Variants in SLC35F1 observed in about 807,000 individuals in gnomAD.
SLC35F1 encodes chromosome 6 open reading frame 169.
In SLC35F1, 14 loss-of-function variants were observed where a neutral mutation model predicts 48.7. That is an observed-to-expected ratio of 0.29 (90% confidence interval 0.19 to 0.45). The LOEUF (loss-of-function observed/expected upper bound fraction) is 0.45. Ranked by LOEUF, SLC35F1 falls within the 20% of genes least tolerant of loss-of-function variation. The pLI is 1.00. For synonymous variants in SLC35F1, 190 were observed against 202.2 expected, an observed-to-expected ratio of 0.94 and a Z score of 0.51; for missense variants, 404 against 500.0, an observed-to-expected ratio of 0.81 and a Z score of 1.83.
chr6:118,267,085 G>A lies in SLC35F1; in HGVS notation c.568G>A (p.Val190Ile), dbSNP rs371965924. Residue 190 changes from valine to isoleucine, a missense_variant, in exon 4 of 8, where the codon GTT becomes ATT. Around this residue, in one of 2 missense-constraint regions of SLC35F1, gnomAD observed 306 missense variants for 419.1 expected, o/e 0.73. Coordinates refer to ENST00000360388, the MANE Select transcript of SLC35F1 (RefSeq NM_001029858.4). ...CAAGGCTGTGCATTTCATCGGCATCGTTGTCTGCATCCTGGGAATGGGCTG... is the reference window on the plus strand; with the variant it reads ...CAAGGCTGTGCATTTCATCGGCATCATTGTCTGCATCCTGGGAATGGGCTG... ...RYKAVHFIGI[V>I]VCILGMGCMV... 9.7e-5 allele frequency: 156 copies of A among 1,613,854 alleles called. No homozygotes were observed. The highest frequency in any genetic ancestry group is 1.2e-4 in the Non-Finnish European group (142 of 1,179,926).
intron 4 of SLC35F1, among the ~76,000 whole-genome samples, chr6:118,274,465 C>A (rs1051431525): frequency 6.6e-6 from 1 of 152,078 alleles, no homozygotes; most frequent in Non-Finnish European, 1.5e-5. Context: ...GGCATGATCT[C>A]GGCTCACTGA....
chr6:118,073,938 C>T (rs745639937), intron 1 of SLC35F1, among the ~76,000 whole-genome samples: 9 of 151,834 alleles, frequency 5.9e-5, no homozygotes, highest in Admixed American at 3.3e-4. Flanking sequence ...GAAATATGGC[C>T]CATTTTTTAT....
intron 1 of SLC35F1, among the ~76,000 whole-genome samples, chr6:118,092,008 T>C (rs1277631565): frequency 6.6e-6 from 1 of 152,148 alleles, no homozygotes; most frequent in East Asian, 1.9e-4. Context: ...TGGCGAAGCA[T>C]TCAAGAGAAA....
Position 118,165,255 on chromosome 6 carries a change from T to TTG in SLC35F1, c.349+10647_349+10648dup, listed in dbSNP as rs577261060. Reference sequence around the variant, plus strand: ...CTTCCCACCCTTTCTCTCCCCTTGTTTGTGTGTGTGTGTTTTCTAGCTCTT... The same window carrying TTG: ...CTTCCCACCCTTTCTCTCCCCTTGTTTGTGTGTGTGTGTGTTTTCTAGCTCTT... On this transcript the variant is annotated intron_variant, in intron 2 of 7. Coordinates refer to ENST00000360388, the MANE Select transcript of SLC35F1 (RefSeq NM_001029858.4). Among the ~76,000 whole-genome samples, 48 of 152,226 alleles carry TTG rather than the reference T, an allele frequency of 3.2e-4. No homozygotes were observed. The South Asian group carries it at 9.3e-3, about 30-fold the overall frequency.
chr6:118,271,385 A>C (rs901591565), intron 4 of SLC35F1, among the ~76,000 whole-genome samples: 1 of 152,162 alleles, frequency 6.6e-6, no homozygotes, highest in African/African-American at 2.4e-5. Flanking sequence ...ACGTTTTATC[A>C]TAGTAAATTA....
intron 1 of SLC35F1, among the ~76,000 whole-genome samples, chr6:118,031,606 G>A (rs953218774): frequency 6.6e-6 from 1 of 152,132 alleles, no homozygotes; most frequent in Non-Finnish European, 1.5e-5. Context: ...ATAATTCAAG[G>A]GTGAGCTGGA....
intron 1 of SLC35F1, among the ~76,000 whole-genome samples, chr6:118,120,049 A>G (rs1183213406): frequency 6.6e-6 from 1 of 152,168 alleles, no homozygotes; most frequent in Non-Finnish European, 1.5e-5. Context: ...GACTACCAAT[A>G]TAAACACACA....
intron 1 of SLC35F1, among the ~76,000 whole-genome samples, chr6:118,128,625 C>G (rs1178079941): frequency 6.6e-6 from 1 of 151,694 alleles, no homozygotes; most frequent in Non-Finnish European, 1.5e-5. Flanking sequence ...AACACATAGA[C>G]ACAGGAAGGG....
intron 7 of SLC35F1, among the ~76,000 whole-genome samples, chr6:118,307,646 G>C (rs768448392): frequency 2.6e-5 from 4 of 152,142 alleles, no homozygotes; most frequent in Non-Finnish European, 4.4e-5. Flanking sequence ...AAATGATCTT[G>C]TTGGTCTAGT....
chr6:118,119,586 C>A (rs139360233), intron 1 of SLC35F1, among the ~76,000 whole-genome samples: 1,847 of 146,688 alleles, frequency 0.013, 37 homozygotes, highest in African/African-American at 0.043. Flanking sequence ...TCACTGCAAC[C>A]TCTGCCTTCT....
intron 1 of SLC35F1, among the ~76,000 whole-genome samples, chr6:117,990,191 A>C (rs1323345640): frequency 6.6e-6 from 1 of 152,200 alleles, no homozygotes; most frequent in Non-Finnish European, 1.5e-5. Flanking sequence ...CCTTCATTCC[A>C]GTGTACTTCT....
At chr6:118,125,286 T>C (rs896608934) in intron 1 of SLC35F1, among the ~76,000 whole-genome samples, 6 of 151,660 alleles carry the variant, frequency 4.0e-5, no homozygotes, top group African/African-American at 1.5e-4. Flanking sequence ...TTTCCCTCTG[T>C]GCTATTTTAA....
chr6:118,210,012 T>C (rs966553811), intron 2 of SLC35F1, among the ~76,000 whole-genome samples: 7 of 152,206 alleles, frequency 4.6e-5, no homozygotes, highest in Non-Finnish European at 8.8e-5. Flanking sequence ...TATATAAAGT[T>C]ATCTTTATTT....
chr6:118,035,652 C>T (rs6935478), intron 1 of SLC35F1, among the ~76,000 whole-genome samples: 7,443 of 146,762 alleles, frequency 0.051, 685 homozygotes, highest in African/African-American at 0.18. Context: ...AAAACAAAAC[C>T]AAAAAAACCC....
intron 1 of SLC35F1, among the ~76,000 whole-genome samples, chr6:118,131,195 G>A (rs187950284): frequency 3.9e-5 from 6 of 152,016 alleles, no homozygotes; most frequent in East Asian, 1.9e-4. Context: ...CTATTCAAAC[G>A]TAAGAATTTT....
intron 1 of SLC35F1, among the ~76,000 whole-genome samples, chr6:117,999,651 A>T (rs530417925): frequency 1.3e-5 from 2 of 152,310 alleles, no homozygotes; most frequent in Non-Finnish European, 2.9e-5. Flanking sequence ...AAAATTAATG[A>T]ATCCAGGAGC....
intron 1 of SLC35F1, among the ~76,000 whole-genome samples, chr6:117,946,689 A>G (rs1290724813): frequency 1.3e-5 from 2 of 152,240 alleles, no homozygotes; most frequent in East Asian, 1.9e-4. Flanking sequence ...GTGAACTTTG[A>G]TACAGTACCA....
intron 1 of SLC35F1, among the ~76,000 whole-genome samples, chr6:118,082,174 G>T (rs578084034): frequency 3.5e-4 from 53 of 152,206 alleles, no homozygotes; most frequent in African/African-American, 1.2e-3. Context: ...TTGAGATTAG[G>T]GTCTAGGCAA....
intron 1 of SLC35F1, among the ~76,000 whole-genome samples, chr6:118,059,270 C>T (rs919062354): frequency 2.6e-5 from 4 of 152,152 alleles, no homozygotes; most frequent in African/African-American, 4.8e-5. Flanking sequence ...ACTACAGCTT[C>T]CCACTGTAAC....
Sources: allele counts gnomAD v4.1 joint callset (sites outside exome capture counted in the v4.1 genomes callset), GRCh38; gene constraint gnomAD v4.1.1; regional missense constraint gnomAD v4.1.1; transcripts MANE v1.5; gene names NCBI Gene and HGNC (gene_info 2026-07-23, HGNC 2026-07-21).